The following INPP5A variants were observed in gnomAD, a reference collection of about 807,000 sequenced individuals.
The protein encoded by INPP5A is inositol polyphosphate-5-phosphatase A, also known as 43 kDa inositol polyphosphate 5-phophatase.
Under a neutral mutation model 65.2 loss-of-function variants are expected in INPP5A, and 14 were observed. The ratio of observed to expected loss-of-function variants is 0.21; its 90% CI spans 0.14 to 0.34. The LOEUF (loss-of-function observed/expected upper bound fraction) is 0.34, where lower values mean the gene tolerates loss of function less well. Among genes scored for constraint, INPP5A ranks in the 10% least tolerant of loss-of-function variants. The pLI, the probability that INPP5A is intolerant of heterozygous loss-of-function variation, is 1.00. For synonymous variants in INPP5A, 207 were observed against 208.3 expected (o/e 0.99, Z 0.05); for missense variants, 431 against 545.6 (o/e 0.79, Z 2.09).
chr10:132,728,426 C>G (rs995811029), intron 9 of INPP5A, among the ~76,000 whole-genome samples: 1 of 152,234 alleles, frequency 6.6e-6, no homozygotes, highest in Non-Finnish European at 1.5e-5. Context: ...TCCCCGCGTC[C>G]GAGGCTGTGC....
At chr10:132,568,479 T>C (rs1303917789) in intron 1 of INPP5A, among the ~76,000 whole-genome samples, 1 of 152,050 alleles carries the variant, frequency 6.6e-6, no homozygotes, top group Non-Finnish European at 1.5e-5. Context: ...TAATCCCAGC[T>C]ACTGGGATTA....
chr10:132,682,918 T>C (rs2073066168), intron 4 of INPP5A, among the ~76,000 whole-genome samples: 2 of 152,218 alleles, frequency 1.3e-5, no homozygotes, highest in African/African-American at 2.4e-5. Context: ...TGATCCTATG[T>C]GGCGGGCACG....
chr10:132,698,334 C>T lies in INPP5A; in HGVS notation c.474+415C>T, dbSNP rs1450966350. Among the ~76,000 whole-genome samples, 3 of 152,216 alleles carry T rather than the reference C, an allele frequency of 2.0e-5. No individual in the cohort carries two copies. The highest frequency in any genetic ancestry group is 4.4e-5 in the Non-Finnish European group (3 of 68,040). ...TGTGAGTGTGGGGCAGGGGCACGGTCCTGTGTCAGATACAGCCTTGGTGGT... is the reference window on the plus strand; with the variant it reads ...TGTGAGTGTGGGGCAGGGGCACGGTTCTGTGTCAGATACAGCCTTGGTGGT... On this transcript the variant is annotated intron_variant, in intron 6 of 15. Coordinates refer to ENST00000368594, the MANE Select transcript of INPP5A (RefSeq NM_005539.5). This position sits in a 1 kb window ranked among gnomAD's most constrained non-coding sequence, Gnocchi z 5.5.
intron 4 of INPP5A, among the ~76,000 whole-genome samples, chr10:132,670,086 A>G (rs2072863546): frequency 1.1e-5 from 1 of 87,962 alleles, no homozygotes; most frequent in South Asian, 3.8e-4. Flanking sequence ...CTCAGCTTCC[A>G]ATCCCTAAAC....
intron 2 of INPP5A, among the ~76,000 whole-genome samples, chr10:132,626,972 T>C (rs980734113): frequency 1.3e-5 from 2 of 152,200 alleles, no homozygotes; most frequent in African/African-American, 4.8e-5. Context: ...TCATAGGTTG[T>C]GCTCTGACCC....
At chr10:132,759,575 TG>T (rs1358461303) in intron 11 of INPP5A, among the ~76,000 whole-genome samples, 4 of 151,574 alleles carry the variant, frequency 2.6e-5, no homozygotes, top group African/African-American at 9.7e-5. Context: ...TTCCAGTAGG[TG>T]GGGCTCCACG....
intron 2 of INPP5A, among the ~76,000 whole-genome samples, chr10:132,628,724 A>G (rs575394262): frequency 6.6e-6 from 1 of 152,362 alleles, no homozygotes; most frequent in South Asian, 2.1e-4. Flanking sequence ...GAACTCTTAT[A>G]AATGAAAGAG....
chr10:132,576,859 G>A (rs888532237), intron 1 of INPP5A, among the ~76,000 whole-genome samples: 3 of 152,216 alleles, frequency 2.0e-5, no homozygotes, highest in Non-Finnish European at 2.9e-5. Context: ...CCCAGAACCC[G>A]GGTTTTAGAG....
chr10:132,581,859 A>G (rs2071488478), intron 1 of INPP5A, among the ~76,000 whole-genome samples: 1 of 150,482 alleles, frequency 6.6e-6, no homozygotes, highest in Non-Finnish European at 1.5e-5. Context: ...TTTTTTTGAG[A>G]CAGAGTCTTG....
rs191899383 is a variant in INPP5A, at chr10:132,698,235, C to G, written c.474+316C>G. On this transcript the variant is annotated intron_variant, in intron 6 of 15. Transcript: ENST00000368594. The surrounding 1 kb of genome is among the most constrained non-coding windows in gnomAD (Gnocchi z 5.5). ...CTTGGCGTGCACCTGGGGTCTCCCGCACGCCCAGCTGGGAGAGGGTCAGGC... is the reference window on the plus strand; with the variant it reads ...CTTGGCGTGCACCTGGGGTCTCCCGGACGCCCAGCTGGGAGAGGGTCAGGC... 7.1e-4 allele frequency among the ~76,000 whole-genome samples: 108 copies of G among 152,342 alleles called. No homozygotes were observed. The highest frequency in any genetic ancestry group is 1.3e-3 in the Admixed American group (20 of 15,312).
chr10:132,590,599 C>T (rs900850274), intron 1 of INPP5A, among the ~76,000 whole-genome samples: 4 of 152,184 alleles, frequency 2.6e-5, no homozygotes, highest in South Asian at 2.1e-4. Flanking sequence ...GATGGGTCCT[C>T]GGTGCAGTGA....
chr10:132,768,112 T>C (rs1428581682), intron 12 of INPP5A, among the ~76,000 whole-genome samples: 3 of 143,820 alleles, frequency 2.1e-5, no homozygotes, highest in African/African-American at 5.3e-5. Flanking sequence ...CCCTCGGCAT[T>C]CCCAGGGTGC....
rs1845560174 is a variant in INPP5A, at chr10:132,707,787, T to C, written c.475-526T>C. On this transcript the variant is annotated intron_variant, in intron 6 of 15. Coordinates refer to ENST00000368594, the MANE Select transcript of INPP5A (RefSeq NM_005539.5). The surrounding 1 kb of genome is among the most constrained non-coding windows in gnomAD (Gnocchi z 5.5). ...AGGTGGTGGGGATCAGTGAGAGGCA[T>C]CGGTGGGTGAGAGGCATCGGTGGGT... 6.6e-6 allele frequency among the ~76,000 whole-genome samples: 1 copy of C among 151,588 alleles called. No homozygotes were observed. Among genetic ancestry groups the C allele is most frequent in the Non-Finnish European group, 1.5e-5 (1 of 67,832 alleles).
intron 7 of INPP5A, among the ~76,000 whole-genome samples, chr10:132,709,465 C>T (rs888615218): frequency 2.6e-5 from 4 of 151,980 alleles, no homozygotes; most frequent in East Asian, 1.9e-4. Flanking sequence ...GAAGGAGCCG[C>T]GGTCCCGTGC....
At chr10:132,610,823 T>C (rs79329380) in intron 2 of INPP5A, among the ~76,000 whole-genome samples, 3,541 of 152,376 alleles carry the variant, frequency 0.023, 49 homozygotes, top group South Asian at 0.039. Flanking sequence ...GCTCTTGTTC[T>C]CCAGGGTTTA....
At chr10:132,679,112 G>A (rs554465791) in intron 4 of INPP5A, among the ~76,000 whole-genome samples, 2 of 152,342 alleles carry the variant, frequency 1.3e-5, no homozygotes, top group South Asian at 4.1e-4. Flanking sequence ...GACCAAGGGG[G>A]CTACAGCTGT....
rs756553059 is a variant in INPP5A at position 132,644,726 on chromosome 10, G to A, written c.118-1142G>A. On this transcript the variant is annotated intron_variant, in intron 2 of 15. Transcript: ENST00000368594. This position sits in a 1 kb window ranked among gnomAD's most constrained non-coding sequence, Gnocchi z 6.5. ...ACCCCGGCACCAGACAGAGAGCCCT[G>A]TCGGGGCTTGCTCCTTGGAAGCGCT... Among the ~76,000 whole-genome samples the A allele has an allele frequency of 1.1e-4, 16 of 152,256 alleles. No homozygotes were observed. The highest frequency in any genetic ancestry group is 3.6e-4 in the African/African-American group (15 of 41,474).
intron 5 of INPP5A, among the ~76,000 whole-genome samples, chr10:132,691,118 G>A (rs960900108): frequency 1.3e-5 from 2 of 152,228 alleles, no homozygotes; most frequent in Non-Finnish European, 2.9e-5. Flanking sequence ...AGCCACAAAC[G>A]ATGTCGTTTC....
At position 132,697,725 on chromosome 10, in the gene INPP5A, G is replaced by T; in HGVS notation, c.371-91G>T. The T allele has an allele frequency of 6.8e-6, 6 of 880,082 alleles. No homozygotes were observed. The highest frequency in any genetic ancestry group is 1.1e-5 in the Non-Finnish European group (6 of 540,556). The allele number at this position is 880,082 out of a possible 1,614,324, so 54.5% of individuals were successfully genotyped here. On this transcript the variant is annotated intron_variant, in intron 5 of 15. Coordinates refer to ENST00000368594, the MANE Select transcript of INPP5A (RefSeq NM_005539.5). The surrounding 1 kb of genome is among the most constrained non-coding windows in gnomAD (Gnocchi z 5.6). The stretch of plus-strand genomic sequence containing the variant: ...GGGGGGCCTCTCTGGCTCCCATCGG[G>T]CTGAAGTCGGGTGGAAACAGGTTGT...
Sources: gnomAD v4.1 joint callset for allele counts (sites outside exome capture counted in the v4.1 genomes callset) on GRCh38, gnomAD v4.1.1 for gene constraint, Gnocchi (gnomAD v3.1) non-coding constraint, MANE v1.5 for transcripts, NCBI Gene and HGNC (gene_info 2026-07-23, HGNC 2026-07-21) for gene names.